The following BICRA variants were observed in gnomAD, a reference collection of about 807,000 sequenced individuals.
BICRA encodes the protein BRD4 interacting chromatin remodeling complex associated protein, also known as BRD4-interacting chromatin-remodeling complex-associated protein.
BICRA carries 31 observed loss-of-function variants against 96.9 expected under a neutral mutation model. The ratio of observed to expected loss-of-function variants is 0.32; its 90% CI spans 0.24 to 0.43. The LOEUF (loss-of-function observed/expected upper bound fraction) is 0.43, where lower values mean the gene tolerates loss of function less well. Ranked by LOEUF, BICRA falls within the 20% of genes least tolerant of loss-of-function variation. The probability of loss-of-function intolerance (pLI) is 1.00; values close to 1 mark genes in which losing one functional copy is unlikely to be tolerated. For synonymous variants in BICRA, 1,350 were observed against 1,071.8 expected (o/e 1.26, Z -5.07); for missense variants, 2,283 against 2,190.3 (o/e 1.04, Z -0.84).
At chr19:47,618,040 A>G (rs1972010517) in intron 1 of BICRA, among the ~76,000 whole-genome samples, 1 of 152,040 alleles carries the variant, frequency 6.6e-6, no homozygotes, top group African/African-American at 2.4e-5. Context: ...TTTTTCTGTG[A>G]TCCCCTTTTT....
chr19:47,682,486 G>A (rs555511062), intron 7 of BICRA, among the ~76,000 whole-genome samples: 7 of 152,278 alleles, frequency 4.6e-5, no homozygotes, highest in South Asian at 2.1e-4. Flanking sequence ...GAAAGCCCCC[G>A]TCTCCTGAAC....
chr19:47,627,281 G>A (rs1361367972), intron 1 of BICRA, among the ~76,000 whole-genome samples: 1 of 152,154 alleles, frequency 6.6e-6, no homozygotes, highest in African/African-American at 2.4e-5. Flanking sequence ...TCAGGATTTG[G>A]GGGGTGTGGT....
chr19:47,633,483 G>A (rs1000575555), intron 1 of BICRA, among the ~76,000 whole-genome samples: 2 of 152,072 alleles, frequency 1.3e-5, no homozygotes, highest in African/African-American at 2.4e-5. Context: ...AATTACAGAC[G>A]TGAGCCACCT....
Position 47,698,887 on chromosome 19 carries a change from C to A in BICRA, c.3398-78C>A. ...GCAGGTCCACGGTGCGCTATGCTGA[C>A]CCTGCCCCGCCCTCCTTCCTGCGCA... On this transcript the variant is annotated intron_variant, in intron 12 of 14. Transcript: ENST00000594866. This position sits in a 1 kb window ranked among gnomAD's most constrained non-coding sequence, Gnocchi z 4.8. 7.4e-7 allele frequency: 1 copy of A among 1,350,832 alleles called. No homozygotes were observed. The highest frequency in any genetic ancestry group is 1.2e-5 in the South Asian group (1 of 80,670). 83.7% of individuals were successfully genotyped at this position (1,350,832 alleles called of 1,614,324 possible).
At chr19:47,630,925 TC>T (rs1972213000) in intron 1 of BICRA, among the ~76,000 whole-genome samples, 1 of 152,168 alleles carries the variant, frequency 6.6e-6, no homozygotes, top group Non-Finnish European at 1.5e-5. Context: ...TTATTTTTTT[TC>T]CCCACACGAA....
chr19:47,692,497 T>A (rs532356768), intron 7 of BICRA, among the ~76,000 whole-genome samples: 2 of 152,280 alleles, frequency 1.3e-5, no homozygotes, highest in Non-Finnish European at 2.9e-5. Context: ...CCCAAAGTGC[T>A]GGGATTACAG....
intron 1 of BICRA, among the ~76,000 whole-genome samples, chr19:47,636,824 A>G (rs374894702): frequency 4.3e-4 from 66 of 151,992 alleles, no homozygotes; most frequent in African/African-American, 1.5e-3. Flanking sequence ...ACTGTATTTA[A>G]TATGCAACCT....
chr19:47,634,498 C>T (rs570558162), intron 1 of BICRA, among the ~76,000 whole-genome samples: 20 of 152,264 alleles, frequency 1.3e-4, no homozygotes, highest in South Asian at 1.2e-3. Flanking sequence ...ATCACTGGCA[C>T]GCTGTCTGCA....
chr19:47,650,229 G>T (rs111457029), intron 1 of BICRA, among the ~76,000 whole-genome samples: 19,265 of 151,874 alleles, frequency 0.13, 1,332 homozygotes, highest in East Asian at 0.18. Context: ...ACCACCCAGG[G>T]TCAAGTGATT....
In BICRA at chr19:47,702,047, C is replaced by G; in HGVS notation, c.4315C>G (p.Leu1439Val). 6.7e-7 allele frequency: 1 copy of G among 1,498,546 alleles called. No individual in the cohort carries two copies. The highest frequency in any genetic ancestry group is 8.8e-7 in the Non-Finnish European group (1 of 1,132,768). 92.8% of individuals were successfully genotyped at this position (1,498,546 alleles called of 1,614,324 possible). ...IRELAAVEDE[L>V]YQRMLKGPPP... ...CGAGCTGGCGGCCGTGGAGGACGAGCTGTACCAGCGTATGCTGAAGGGCCC... is the reference window on the plus strand; with the variant it reads ...CGAGCTGGCGGCCGTGGAGGACGAGGTGTACCAGCGTATGCTGAAGGGCCC... Residue 1439 changes from leucine (L) to valine (V), a missense_variant, in exon 15 of 15, where the codon CTG becomes GTG. Transcript: ENST00000594866.
intron 1 of BICRA, among the ~76,000 whole-genome samples, chr19:47,637,860 G>A (rs765384307): frequency 1.3e-5 from 2 of 152,088 alleles, no homozygotes; most frequent in Admixed American, 6.5e-5. Context: ...CCGCTGCTGC[G>A]GCGATGCCTC....
Position 47,680,069 on chromosome 19 carries a change from C to T in BICRA, c.899C>T (p.Thr300Met), listed in dbSNP as rs1156603577. 2 of 1,563,824 alleles carry T rather than the reference C, an allele frequency of 1.3e-6. No homozygotes were observed. Among genetic ancestry groups the T allele is most frequent in the African/African-American group, 1.4e-5 (1 of 72,636 alleles). ...QKNLSAAVAT[T>M]LNGNSVFGGA... The stretch of plus-strand genomic sequence containing the variant: ...AACCTCTCGGCCGCTGTGGCCACCA[C>T]GCTCAATGGGAACTCTGTGTTCGGA... Residue 300 changes from threonine (T) to methionine (M), a missense_variant, in exon 6 of 15, where the codon ACG becomes ATG. Thr to Met is a moderately conservative substitution (Grantham distance 81). Coordinates refer to ENST00000594866, the MANE Select transcript of BICRA (RefSeq NM_001394372.1).
chr19:47,686,356 A>G (rs977832963), intron 7 of BICRA, among the ~76,000 whole-genome samples: 1 of 151,996 alleles, frequency 6.6e-6, no homozygotes, highest in Non-Finnish European at 1.5e-5. Context: ...ATACACATCA[A>G]TATTTTCTAT....
rs185545744 is a variant in BICRA at position 47,687,732 on chromosome 19, C to T, written c.2283+5580C>T. ...AGGGGAATCCCTTGAACCTGGGAGGCGGAGATTGTAGTGAGCCTAGAGAGG... is the reference window on the plus strand; with the variant it reads ...AGGGGAATCCCTTGAACCTGGGAGGTGGAGATTGTAGTGAGCCTAGAGAGG... On this transcript the variant is annotated intron_variant, in intron 7 of 14. Coordinates refer to ENST00000594866, the MANE Select transcript of BICRA (RefSeq NM_001394372.1). Among the ~76,000 whole-genome samples, 54 of 146,530 alleles carry T rather than the reference C, an allele frequency of 3.7e-4. 4 individuals carry two copies. Among genetic ancestry groups the T allele is most frequent in the Admixed American group, 2.3e-3 (32 of 14,128 alleles).
chr19:47,660,126 G>A (rs1373869700), intron 1 of BICRA, among the ~76,000 whole-genome samples: 2 of 152,082 alleles, frequency 1.3e-5, no homozygotes, highest in Non-Finnish European at 2.9e-5. Context: ...AGTCCAAAAT[G>A]AGGGTGTTAG....
intron 1 of BICRA, among the ~76,000 whole-genome samples, chr19:47,639,358 G>A (rs1348713170): frequency 8.9e-6 from 1 of 112,006 alleles, no homozygotes; most frequent in Non-Finnish European, 1.6e-5. Context: ...ACAGAGTCTC[G>A]CTCTGTCTCC....
At chr19:47,700,851 A>G (rs1973429636) in intron 14 of BICRA, 1 of 157,834 alleles carries the variant, frequency 6.3e-6, no homozygotes, top group Non-Finnish European at 1.4e-5. Flanking sequence ...AGATTTTGAA[A>G]TTAGATACCT....
At chr19:47,647,503 A>T (rs1972477269) in intron 1 of BICRA, among the ~76,000 whole-genome samples, 1 of 152,094 alleles carries the variant, frequency 6.6e-6, no homozygotes, top group Non-Finnish European at 1.5e-5. Flanking sequence ...TGAACATTCT[A>T]GAATGTGTTT....
chr19:47,675,518 GGCTGT>G lies in BICRA; in HGVS notation c.85-329_85-325del, dbSNP rs1430760989. Among the ~76,000 whole-genome samples, 5 of 152,208 alleles carry G rather than the reference GGCTGT, an allele frequency of 3.3e-5. No individual in the cohort carries two copies. Among genetic ancestry groups the G allele is most frequent in the Non-Finnish European group, 5.9e-5 (4 of 68,024 alleles). The stretch of plus-strand genomic sequence containing the variant: ...TGGACCACGAGTGACCACTCCTGAA[GGCTGT>G]GCTACTGGAGAGACTGGGGGGCAGT... On this transcript the variant is annotated intron_variant, in intron 4 of 14. Coordinates refer to ENST00000594866, the MANE Select transcript of BICRA (RefSeq NM_001394372.1). The surrounding 1 kb of genome is among the most constrained non-coding windows in gnomAD (Gnocchi z 4.7).
Sources: gnomAD v4.1 joint callset for allele counts (sites outside exome capture counted in the v4.1 genomes callset) on GRCh38, gnomAD v4.1.1 for gene constraint, Gnocchi (gnomAD v3.1) non-coding constraint, MANE v1.5 for transcripts, NCBI Gene and HGNC (gene_info 2026-07-23, HGNC 2026-07-21) for gene names.